Variants in FER1L5 observed in about 807,000 individuals in gnomAD.
FER1L5 encodes the protein fer-1 like family member 5.
In FER1L5, 187 loss-of-function variants were observed where a neutral mutation model predicts 279.9. The ratio of observed to expected loss-of-function variants is 0.67; its 90% confidence interval spans 0.59 to 0.75. FER1L5 has a LOEUF of 0.75. FER1L5 is among the 30% of genes least tolerant of loss of function. The pLI is 0.00. For missense variants in FER1L5, 2,091 were observed against 2,594.4 expected (o/e 0.81, Z 4.21); for synonymous variants, 921 against 989.7 (o/e 0.93, Z 1.30).
chr2:96,681,067 G>A (rs2076705919), intron 19 of FER1L5, among the ~76,000 whole-genome samples: 1 of 152,138 alleles, frequency 6.6e-6, no homozygotes, highest in South Asian at 2.1e-4. Flanking sequence ...AAATCATATG[G>A]TGTATTCTTT....
In FER1L5 at chr2:96,698,658, C is replaced by A. The variant is rs772305704; in HGVS notation, c.4357-13C>A. The A allele has an allele frequency of 1.3e-6, 2 of 1,573,906 alleles. No individual in the cohort carries two copies. The highest frequency in any genetic ancestry group is 1.8e-5 in the Admixed American group (1 of 54,884). On this transcript the variant is annotated splice_polypyrimidine_tract_variant and intron_variant, in intron 40 of 52. Transcript: ENST00000624922. The surrounding 1 kb of genome is among the most constrained non-coding windows in gnomAD (Gnocchi z 5.5). ...ACTGCCAGGCTGGGCCCCCAACACC[C>A]TCCCCCCGCCAGGGCCTTTTCCGCA...
intron 23 of FER1L5, among the ~76,000 whole-genome samples, chr2:96,687,343 C>A (rs1397230205): frequency 6.6e-6 from 1 of 152,258 alleles, no homozygotes; most frequent in Non-Finnish European, 1.5e-5. Context: ...TCCTTCGCAT[C>A]CCGCAAGAGC....
rs769641238 is a variant in FER1L5 at position 96,698,874 on chromosome 2, C to T, written c.4518+42C>T. On this transcript the variant is annotated intron_variant, in intron 41 of 52. Coordinates refer to ENST00000624922, the MANE Select transcript of FER1L5 (RefSeq NM_001293083.2). This position sits in a 1 kb window ranked among gnomAD's most constrained non-coding sequence, Gnocchi z 5.5. ...GCCCCACACAGGTGCCCCGCACGCT[C>T]CCCTCAACCCATCTCTGGGAGCCCC... is the stretch of plus-strand genomic sequence containing the variant. 5.2e-6 allele frequency: 8 copies of T among 1,546,978 alleles called. No individual in the cohort carries two copies. In the South Asian group the frequency reaches 9.5e-5, roughly 18 times the overall value.
intron 23 of FER1L5, among the ~76,000 whole-genome samples, chr2:96,686,773 G>A (rs776076917): frequency 1.3e-5 from 2 of 148,792 alleles, no homozygotes; most frequent in Non-Finnish European, 3.0e-5. Context: ...CAGGAGAATC[G>A]CTTGAACCTG....
rs1392864269 is a variant in FER1L5 at position 96,673,248 on chromosome 2, T to C, written c.1663T>C (p.Tyr555His). Residue 555 changes from tyrosine (Y) to histidine (H), a missense_variant, in exon 19 of 53, where the codon TAT becomes CAT. Transcript: ENST00000624922. ...VSSTPYSPVI[Y>H]DGNIYHYVPW... ...AAGCACACCGTACAGCCCAGTGATA[T>C]ATGATGGTAATTGTCAGATTCAGGC... The C allele has an allele frequency of 5.8e-6, 9 of 1,548,846 alleles. No individual in the cohort carries two copies. The highest frequency in any genetic ancestry group is 4.8e-5 in the South Asian group (4 of 83,954).
intron 9 of FER1L5, among the ~76,000 whole-genome samples, chr2:96,659,437 CTTT>C (rs2075827422): frequency 4.4e-5 from 1 of 22,736 alleles, no homozygotes; most frequent in East Asian, 1.0e-3. Context: ...TTCTTTCTTT[CTTT>C]CTTTCTTTCT....
chr2:96,700,198 C>T, intron 44 of FER1L5, 118 bp downstream of exon 44: 2 of 1,550,138 alleles, frequency 1.3e-6, no homozygotes, highest in Non-Finnish European at 1.7e-6. Flanking sequence ...AAAGAGCTCC[C>T]TGGAGCCAAA....
At position 96,704,689 on chromosome 2, in the gene FER1L5, C is replaced by CT. The variant is rs1217105249; in HGVS notation, c.6172dup (p.Ter2058LeufsTer60). On this transcript the variant is annotated frameshift_variant, in exon 53 of 53. Coordinates refer to ENST00000624922, the MANE Select transcript of FER1L5 (RefSeq NM_001293083.2). LOFTEE classifies it high-confidence loss of function. ...TCCCAGAACTTCCAGCCCCAGGAGACTAATTAGTCCATGCTGCCTGGCTTT... is the reference window on the plus strand; with the variant it reads ...TCCCAGAACTTCCAGCCCCAGGAGACTTAATTAGTCCATGCTGCCTGGCTTT... The CT allele has an allele frequency of 2.1e-5, 34 of 1,613,456 alleles. No individual in the cohort carries two copies. Among genetic ancestry groups the CT allele is most frequent in the Non-Finnish European group, 2.8e-5 (33 of 1,179,510 alleles).
At chr2:96,668,655 T>G in intron 14 of FER1L5, 96 bp from the exon 15 acceptor site, 1 of 1,428,868 alleles carries the variant, frequency 7.0e-7, no homozygotes. Flanking sequence ...CAGGACTTGC[T>G]CCCAGACCCG....
intron 39 of FER1L5, 102 bp downstream of exon 39, chr2:96,697,863 C>A (rs912658544): frequency 6.8e-7 from 1 of 1,481,076 alleles, no homozygotes; most frequent in Admixed American, 2.0e-5. Context: ...GGGAAGGTTC[C>A]CGCACTGTCT....
rs1450506113 is a variant in FER1L5 at position 96,673,034 on chromosome 2, C to T, written c.1492-43C>T. 4.6e-6 allele frequency: 7 copies of T among 1,537,800 alleles called. No individual in the cohort carries two copies. In the East Asian group the frequency reaches 1.5e-4, roughly 32 times the overall value. The stretch of plus-strand genomic sequence containing the variant: ...CCCTGCCTGTCAATATAACCCTTGG[C>T]TTATGTACTGGGTATGGGGGGTGGG... On this transcript the variant is annotated intron_variant, in intron 18 of 52. Coordinates refer to ENST00000624922, the MANE Select transcript of FER1L5 (RefSeq NM_001293083.2).
At chr2:96,646,257 C>T in intron 1 of FER1L5, 144 bp from the exon 2 acceptor site, 1 of 745,200 alleles carries the variant, frequency 1.3e-6, no homozygotes, top group South Asian at 1.7e-5. Flanking sequence ...CTCGGCCTCC[C>T]AAAGTGCTGA....
rs80008347 is a variant in FER1L5 at position 96,684,216 on chromosome 2, A to G, written c.1670-111A>G. 9.7e-3 allele frequency: 13,407 copies of G among 1,381,128 alleles called. 1,083 individuals are homozygous for G. In the African/African-American group the frequency reaches 0.17, roughly 18 times the overall value. The allele number at this position is 1,381,128 out of a possible 1,614,324, so 85.6% of individuals were successfully genotyped here. A position where few individuals can be genotyped will look rare whatever the true frequency, so the allele number is the denominator to read the frequency against. ...CTCCAGTCAGCATTGTTAGCAGGTCACATCTTTGAGGGTGCAGTGGTCCAG... is the reference window on the plus strand; with the variant it reads ...CTCCAGTCAGCATTGTTAGCAGGTCGCATCTTTGAGGGTGCAGTGGTCCAG... On this transcript the variant is annotated intron_variant, in intron 19 of 52. Coordinates refer to ENST00000624922, the MANE Select transcript of FER1L5 (RefSeq NM_001293083.2).
At chr2:96,690,854 T>C (rs1003620274) in intron 27 of FER1L5, among the ~76,000 whole-genome samples, 12 of 152,192 alleles carry the variant, frequency 7.9e-5, no homozygotes, top group African/African-American at 2.7e-4. Flanking sequence ...ACGTGATGGC[T>C]GAATTCACCC....
chr2:96,699,931 G>GGGA lies in FER1L5; in HGVS notation c.4782_4783insGAG (p.Gln1594_Ser1595insGlu). The GGGA allele has an allele frequency of 6.2e-7, 1 of 1,613,766 alleles. No homozygotes were observed. The highest frequency in any genetic ancestry group is 8.5e-7 in the Non-Finnish European group (1 of 1,179,796). ...ACCTCTTCCTCTCACATCCCCCACA[G>GGGA]GTCAGGGCCCTTTAGATGGCGGGAT... is the stretch of plus-strand genomic sequence containing the variant. On this transcript the variant is annotated inframe_insertion and splice_region_variant. Transcript: ENST00000624922.
chr2:96,655,082 C>A (rs553643184), intron 9 of FER1L5, among the ~76,000 whole-genome samples: 2 of 151,974 alleles, frequency 1.3e-5, no homozygotes, highest in Admixed American at 6.6e-5. Context: ...AAGCTCAGGG[C>A]GCCATGTTGA....
rs2077470208 is a variant in FER1L5 at position 96,698,605 on chromosome 2, C to T, written c.4357-66C>T. 7.2e-7 allele frequency: 1 copy of T among 1,388,968 alleles called. No homozygotes were observed. The highest frequency in any genetic ancestry group is 1.4e-5 in the African/African-American group (1 of 70,044). The allele number at this position is 1,388,968 out of a possible 1,614,324, so 86.0% of individuals were successfully genotyped here. ...CTCCTGAACATGGGCTGGGGCACCT[C>T]CCAGAGGGCTTTACAGAGCTGGCCA... is the stretch of plus-strand genomic sequence containing the variant. On this transcript the variant is annotated intron_variant, in intron 40 of 52. Coordinates refer to ENST00000624922, the MANE Select transcript of FER1L5 (RefSeq NM_001293083.2). This position sits in a 1 kb window ranked among gnomAD's most constrained non-coding sequence, Gnocchi z 5.5.
At chr2:96,684,885 C>T (rs982299715) in intron 20 of FER1L5, among the ~76,000 whole-genome samples, 3 of 152,000 alleles carry the variant, frequency 2.0e-5, no homozygotes, top group Non-Finnish European at 2.9e-5. Flanking sequence ...TGCAAAGCCG[C>T]GGCAATGTGC....
intron 1 of FER1L5, among the ~76,000 whole-genome samples, chr2:96,645,510 G>A (rs1023874570): frequency 3.9e-5 from 6 of 152,170 alleles, no homozygotes; most frequent in Admixed American, 6.5e-5. Flanking sequence ...GAAATGGGCC[G>A]AGCGCGGTGG....
Sources: allele counts gnomAD v4.1 joint callset (sites outside exome capture counted in the v4.1 genomes callset), GRCh38; gene constraint gnomAD v4.1.1; non-coding constraint Gnocchi (gnomAD v3.1); transcripts MANE v1.5; gene names NCBI Gene and HGNC (gene_info 2026-07-23, HGNC 2026-07-21).